The following RSRC1 variants were observed in gnomAD, a reference collection of about 807,000 sequenced individuals.
RSRC1 encodes arginine and serine rich coiled-coil 1.
RSRC1 carries 39 observed loss-of-function variants against 49.1 expected under a neutral mutation model. The ratio of observed to expected loss-of-function variants is 0.79; its 90% confidence interval spans 0.61 to 1.04. RSRC1 has a LOEUF of 1.04. RSRC1 is among the 50% of genes least tolerant of loss of function. RSRC1 has a pLI of 0.00. For missense variants in RSRC1, 388 were observed against 402.4 expected (o/e 0.96, Z 0.31); for synonymous variants, 143 against 130.8 (o/e 1.09, Z -0.63).
chr3:158,222,541 TAAC>T (rs993914096), intron 4 of RSRC1, among the ~76,000 whole-genome samples: 10 of 151,698 alleles, frequency 6.6e-5, no homozygotes, highest in Admixed American at 5.3e-4. Context: ...TTAAACAAGT[TAAC>T]AAGCTTGTCA....
chr3:158,394,866 G>C (rs957642885), intron 6 of RSRC1, among the ~76,000 whole-genome samples: 6 of 152,044 alleles, frequency 3.9e-5, no homozygotes, highest in Admixed American at 6.6e-5. Context: ...CCGAAAAAGA[G>C]CCCAAATAGC....
At chr3:158,285,056 G>A (rs1452010649) in intron 4 of RSRC1, among the ~76,000 whole-genome samples, 2 of 152,096 alleles carry the variant, frequency 1.3e-5, no homozygotes, top group African/African-American at 4.8e-5. Flanking sequence ...AATCCATCTT[G>A]AATTAATTTT....
chr3:158,190,351 T>G (rs1236679707), intron 3 of RSRC1, among the ~76,000 whole-genome samples: 1 of 151,872 alleles, frequency 6.6e-6, no homozygotes, highest in East Asian at 1.9e-4. Flanking sequence ...GAACCTCAAC[T>G]AGTTGGATGT....
intron 6 of RSRC1, among the ~76,000 whole-genome samples, chr3:158,402,514 T>C (rs913767113): frequency 4.6e-5 from 7 of 151,680 alleles, no homozygotes; most frequent in Non-Finnish European, 8.9e-5. Context: ...ACTTTAAGAG[T>C]TGTATTATAG....
chr3:158,368,701 T>C (rs1731908213), intron 6 of RSRC1, among the ~76,000 whole-genome samples: 1 of 152,230 alleles, frequency 6.6e-6, no homozygotes, highest in African/African-American at 2.4e-5. Context: ...ATATTAGATA[T>C]ATGGGTCTTT....
intron 7 of RSRC1, among the ~76,000 whole-genome samples, chr3:158,506,519 T>C (rs1345700917): frequency 6.6e-6 from 1 of 151,930 alleles, no homozygotes. Context: ...AACACCAGAA[T>C]AGACGTTCCT....
chr3:158,187,632 C>T (rs779899020), intron 3 of RSRC1, among the ~76,000 whole-genome samples: 2 of 152,014 alleles, frequency 1.3e-5, no homozygotes, highest in African/African-American at 4.8e-5. Context: ...CTGGTAAGGA[C>T]AGTCGATCCT....
intron 8 of RSRC1, among the ~76,000 whole-genome samples, chr3:158,541,447 G>C (rs548157751): frequency 3.3e-5 from 5 of 152,302 alleles, no homozygotes; most frequent in African/African-American, 1.2e-4. Flanking sequence ...CTTGGGACAG[G>C]AACCATATCT....
chr3:158,114,950 G>A (rs1365934030), intron 1 of RSRC1, among the ~76,000 whole-genome samples: 13 of 152,002 alleles, frequency 8.6e-5, no homozygotes, highest in Admixed American at 8.5e-4. Flanking sequence ...CTGCAAAGAC[G>A]ATTTGACTTC....
chr3:158,275,220 G>A (rs1423308262), intron 4 of RSRC1, among the ~76,000 whole-genome samples: 1 of 152,168 alleles, frequency 6.6e-6, no homozygotes, highest in Admixed American at 6.5e-5. Flanking sequence ...TGAAGCCATG[G>A]CACTGAACCA....
intron 8 of RSRC1, among the ~76,000 whole-genome samples, 189 bp downstream of exon 8, chr3:158,537,387 TA>T (rs1035091705): frequency 6.6e-6 from 1 of 151,620 alleles, no homozygotes; most frequent in Non-Finnish European, 1.5e-5. Flanking sequence ...TTAATTTGTA[TA>T]AAAAATGCTA....
At chr3:158,297,280 A>C (rs967730832) in intron 4 of RSRC1, among the ~76,000 whole-genome samples, 4 of 152,088 alleles carry the variant, frequency 2.6e-5, no homozygotes, top group Non-Finnish European at 5.9e-5. Context: ...ACTATTTGCC[A>C]CATTTCAACA....
At chr3:158,514,596 G>A (rs1740391444) in intron 7 of RSRC1, among the ~76,000 whole-genome samples, 1 of 152,138 alleles carries the variant, frequency 6.6e-6, no homozygotes. Flanking sequence ...ATATTCTGTT[G>A]ATTTGGGATG....
intron 7 of RSRC1, among the ~76,000 whole-genome samples, chr3:158,510,713 T>A (rs1319003125): frequency 6.6e-6 from 1 of 152,208 alleles, no homozygotes; most frequent in Non-Finnish European, 1.5e-5. Context: ...TGACTATAGT[T>A]AGCCTGTTGT....
At chr3:158,380,640 T>G (rs1455054050) in intron 6 of RSRC1, among the ~76,000 whole-genome samples, 1 of 152,164 alleles carries the variant, frequency 6.6e-6, no homozygotes, top group Non-Finnish European at 1.5e-5. Context: ...GGTATATATT[T>G]TATATGAGTT....
At chr3:158,508,387 C>T (rs1739972632) in intron 7 of RSRC1, among the ~76,000 whole-genome samples, 1 of 151,788 alleles carries the variant, frequency 6.6e-6, no homozygotes, top group Non-Finnish European at 1.5e-5. Context: ...TGTGTCTCTA[C>T]CCTCTCTCTA....
chr3:158,348,540 T>G (rs2108227674), intron 5 of RSRC1, among the ~76,000 whole-genome samples: 1 of 152,192 alleles, frequency 6.6e-6, no homozygotes, highest in Admixed American at 6.5e-5. Flanking sequence ...GACCTATCAT[T>G]TGGTTAATCT....
intron 3 of RSRC1, chr3:158,136,692 T>C (rs1716396761): frequency 6.6e-6 from 1 of 152,292 alleles, no homozygotes; most frequent in Admixed American, 6.5e-5. Flanking sequence ...GTGGTGACTT[T>C]ATGGTTTTCT....
chr3:158,467,910 A>G (rs1371924316), intron 7 of RSRC1, among the ~76,000 whole-genome samples: 1 of 152,194 alleles, frequency 6.6e-6, no homozygotes, highest in Non-Finnish European at 1.5e-5. Flanking sequence ...ACTCCATTTG[A>G]TCATATTATT....
Sources: allele counts gnomAD v4.1 joint callset (sites outside exome capture counted in the v4.1 genomes callset), GRCh38; gene constraint gnomAD v4.1.1; transcripts MANE v1.5; gene names NCBI Gene and HGNC (gene_info 2026-07-23, HGNC 2026-07-21).